PHYHIPL: variants seen among roughly 807,000 people sequenced by gnomAD.
PHYHIPL encodes the protein phytanoyl-CoA 2-hydroxylase interacting protein like.
PHYHIPL carries 9 observed loss-of-function variants against 33.4 expected under a neutral mutation model. That is an observed-to-expected ratio of 0.27 (90% CI 0.16 to 0.47). PHYHIPL has a LOEUF of 0.47. PHYHIPL is among the 20% of genes least tolerant of loss of function. PHYHIPL has a pLI of 0.99. For missense variants in PHYHIPL, 365 were observed against 460.7 expected, an observed-to-expected ratio of 0.79 and a Z score of 1.90; for synonymous variants, 153 against 154.1, an observed-to-expected ratio of 0.99 and a Z score of 0.05.
upstream of PHYHIPL, among the ~76,000 whole-genome samples, chr10:59,173,959 T>G (rs374477513): frequency 0.029 from 3,689 of 127,176 alleles, 296 homozygotes; most frequent in South Asian, 0.061. Flanking sequence ...TTTTTTTTTT[T>G]TGGGGAGGAG....
chr10:59,244,382 G>A (rs1316049466), intron 4 of PHYHIPL, among the ~76,000 whole-genome samples: 1 of 151,798 alleles, frequency 6.6e-6, no homozygotes, highest in Admixed American at 6.6e-5. Context: ...TGGCCAACGT[G>A]GTGAAACCCC....
chr10:59,196,725 T>C (rs1036867139), intron 1 of PHYHIPL, among the ~76,000 whole-genome samples: 3 of 152,172 alleles, frequency 2.0e-5, no homozygotes, highest in Non-Finnish European at 4.4e-5. Flanking sequence ...CCAAGTACAC[T>C]GTCAACATTT....
intron 1 of PHYHIPL, among the ~76,000 whole-genome samples, chr10:59,230,917 A>T (rs1210360847): frequency 6.6e-6 from 1 of 152,164 alleles, no homozygotes; most frequent in Admixed American, 6.5e-5. Flanking sequence ...TGGATTACTA[A>T]GGGGTTGTGG....
Position 59,245,507 on chromosome 10 carries a change from T to C in PHYHIPL, c.1047T>C (p.Thr349=), listed in dbSNP as rs992293455. ...DLSVGTVAEI[T]GHQLMSLSTA... The stretch of plus-strand genomic sequence containing the variant: ...CTGTGGGCACCGTGGCAGAAATCAC[T>C]GGTCATCAGCTCATGAGTTTGTCTA... The change falls in exon 5 of 5, where the codon ACT becomes ACC. Residue 349 remains threonine (T), a synonymous_variant. Transcript: ENST00000373880. 1.9e-6 allele frequency: 3 copies of C among 1,614,076 alleles called. No individual in the cohort carries two copies. In the African/African-American group the frequency reaches 4.0e-5, roughly 22 times the overall value.
intron 1 of PHYHIPL, among the ~76,000 whole-genome samples, chr10:59,202,416 T>C (rs1564706551): frequency 1.3e-5 from 2 of 152,342 alleles, no homozygotes; most frequent in South Asian, 2.1e-4. Flanking sequence ...AGGAAAAATT[T>C]GAAGCATTAG....
intron 1 of PHYHIPL, among the ~76,000 whole-genome samples, chr10:59,185,645 A>G (rs1204780359): frequency 6.6e-6 from 1 of 152,136 alleles, no homozygotes; most frequent in Non-Finnish European, 1.5e-5. Context: ...TGACCTTTTA[A>G]TGATCGCCAT....
At chr10:59,185,163 T>G (rs1451720689) in intron 1 of PHYHIPL, among the ~76,000 whole-genome samples, 1 of 151,650 alleles carries the variant, frequency 6.6e-6, no homozygotes, top group African/African-American at 2.4e-5. Context: ...GCTAATTTTT[T>G]GTATTTTTAG....
At chr10:59,176,198 A>C (rs1421666523), upstream of PHYHIPL, among the ~76,000 whole-genome samples, 1 of 152,038 alleles carries the variant, frequency 6.6e-6, no homozygotes, top group East Asian at 1.9e-4. Context: ...ACACCCCAAT[A>C]CCGTACAGAG....
chr10:59,225,798 T>C (rs905887454), intron 1 of PHYHIPL, among the ~76,000 whole-genome samples: 1 of 152,160 alleles, frequency 6.6e-6, no homozygotes, highest in Non-Finnish European at 1.5e-5. Context: ...TTTAATAGCA[T>C]CCTCTTGTAG....
At position 59,176,901 on chromosome 10, in the gene PHYHIPL, C is replaced by T. The variant is rs1313769713; in HGVS notation, c.48C>T (p.Pro16=). The T allele has an allele frequency of 6.2e-7, 1 of 1,613,846 alleles. No individual in the cohort carries two copies. Among genetic ancestry groups the T allele is most frequent in the Admixed American group, 1.7e-5 (1 of 60,016 alleles). The part of the protein sequence containing the change: ...LDHALNSPTS[P]CEEVIKNLSL... ...ATGCCCTCAACAGCCCCACCAGCCC[C>T]TGTGAGGAGGTGATCAAAAACCTCA... is the stretch of plus-strand genomic sequence containing the variant. Residue 16 remains proline (P), a synonymous_variant, in exon 1 of 5, where the codon CCC becomes CCT. Transcript: ENST00000373880.
chr10:59,242,832 A>AGAT (rs1454776629), intron 4 of PHYHIPL, among the ~76,000 whole-genome samples: 1 of 152,206 alleles, frequency 6.6e-6, no homozygotes, highest in African/African-American at 2.4e-5. Flanking sequence ...GTAAACTTGA[A>AGAT]GATAGAATAG....
chr10:59,190,566 T>C (rs1184108591), intron 1 of PHYHIPL, among the ~76,000 whole-genome samples: 1 of 151,908 alleles, frequency 6.6e-6, no homozygotes, highest in Non-Finnish European at 1.5e-5. Context: ...TTATTTTCCT[T>C]GCATGATGAA....
intron 1 of PHYHIPL, among the ~76,000 whole-genome samples, chr10:59,213,599 T>C (rs1218795937): frequency 6.6e-6 from 1 of 152,122 alleles, no homozygotes; most frequent in East Asian, 1.9e-4. Context: ...GTCAAAACTT[T>C]GGTGATTATA....
intron 1 of PHYHIPL, among the ~76,000 whole-genome samples, chr10:59,232,584 A>G (rs1840110269): frequency 6.6e-6 from 1 of 151,978 alleles, no homozygotes. Context: ...TATTAATAGT[A>G]TCTTAGATAG....
chr10:59,185,180 C>A (rs1253487486), intron 1 of PHYHIPL, among the ~76,000 whole-genome samples: 1 of 151,544 alleles, frequency 6.6e-6, no homozygotes, highest in East Asian at 1.9e-4. Context: ...TTAGTAGAGA[C>A]GGGGTTTCAC....
At chr10:59,228,800 T>C (rs547431337) in intron 1 of PHYHIPL, among the ~76,000 whole-genome samples, 3 of 152,272 alleles carry the variant, frequency 2.0e-5, no homozygotes, top group African/African-American at 7.2e-5. Context: ...TTAAACTAAC[T>C]ACCATCATTA....
Position 59,176,700 on chromosome 10 carries a change from A to G in PHYHIPL, c.-154A>G. 4.6e-6 allele frequency: 3 copies of G among 659,258 alleles called. No individual in the cohort carries two copies. The East Asian group carries it at 8.8e-5, about 19-fold the overall frequency. The allele number at this position is 659,258 out of a possible 1,614,324, so 40.8% of individuals were successfully genotyped here. ...GCCGTCGCCTTCGCGGCGGCTCTCCAGCCCCGCGCCTCAGCCTCGGCGCCG... is the reference window on the plus strand; with the variant it reads ...GCCGTCGCCTTCGCGGCGGCTCTCCGGCCCCGCGCCTCAGCCTCGGCGCCG... On this transcript the variant is annotated 5_prime_UTR_variant, in exon 1 of 5. Transcript: ENST00000373880.
chr10:59,233,064 G>A (rs1335092121), intron 1 of PHYHIPL, among the ~76,000 whole-genome samples: 2 of 151,792 alleles, frequency 1.3e-5, no homozygotes, highest in African/African-American at 2.4e-5. Flanking sequence ...GTGGAGAAAT[G>A]GGACTGTGAA....
chr10:59,176,698 C>G lies in PHYHIPL; in HGVS notation c.-156C>G, dbSNP rs895333986. ...CAGCCGTCGCCTTCGCGGCGGCTCT[C>G]CAGCCCCGCGCCTCAGCCTCGGCGC... On this transcript the variant is annotated 5_prime_UTR_variant, in exon 1 of 5. Coordinates refer to ENST00000373880, the MANE Select transcript of PHYHIPL (RefSeq NM_032439.4). The G allele has an allele frequency of 7.6e-6, 5 of 658,256 alleles. No homozygotes were observed. Among genetic ancestry groups the G allele is most frequent in the East Asian group, 5.8e-5 (2 of 34,352 alleles). The allele number at this position is 658,256 out of a possible 1,614,324, so 40.8% of individuals were successfully genotyped here.
Sources: allele counts gnomAD v4.1 joint callset (sites outside exome capture counted in the v4.1 genomes callset), GRCh38; gene constraint gnomAD v4.1.1; transcripts MANE v1.5; gene names NCBI Gene and HGNC (gene_info 2026-07-23, HGNC 2026-07-21).